NDUFB7: variants seen among roughly 807,000 people sequenced by gnomAD.
NDUFB7 encodes NADH:ubiquinone oxidoreductase subunit B7, also known as NADH dehydrogenase [ubiquinone] 1 beta subcomplex subunit 7.
A neutral mutation model predicts 14.7 loss-of-function variants in NDUFB7; 18 were observed. That is an observed-to-expected ratio of 1.22 (90% CI 0.85 to 1.81). The LOEUF (loss-of-function observed/expected upper bound fraction) is 1.81. Among genes scored for constraint, NDUFB7 ranks in the 40% most tolerant of loss-of-function variants. The pLI is 0.00. For synonymous variants in NDUFB7, 86 were observed against 76.1 expected (o/e 1.13, Z -0.68); for missense variants, 219 against 195.0 (o/e 1.12, Z -0.73).
At chr19:14,570,772 T>C (rs1167414972) in intron 1 of NDUFB7, among the ~76,000 whole-genome samples, 1 of 152,238 alleles carries the variant, frequency 6.6e-6, no homozygotes, top group African/African-American at 2.4e-5. Flanking sequence ...AGTTCCCTGC[T>C]GTATCCGCGG....
At chr19:14,571,660 T>C (rs943759181) in intron 1 of NDUFB7, among the ~76,000 whole-genome samples, 12 of 151,642 alleles carry the variant, frequency 7.9e-5, no homozygotes, top group Admixed American at 2.6e-4. Context: ...GAACCCCCAC[T>C]TGTCGCCTCA....
chr19:14,571,914 G>A lies in NDUFB7; in HGVS notation c.87C>T (p.Tyr29=), dbSNP rs751037505. 1.3e-5 allele frequency: 21 copies of A among 1,611,642 alleles called. No homozygotes were observed. The East Asian group carries it at 4.7e-4, about 36-fold the overall frequency. Residue 29 remains tyrosine (Y), a synonymous_variant, in exon 1 of 3, where the codon TAC becomes TAT. Coordinates refer to ENST00000215565, the MANE Select transcript of NDUFB7 (RefSeq NM_004146.6). Reference sequence around the variant, plus strand: ...CGCGCTCCTTGCGTTCGGGGAAGCCGTAGTCTGGCGGGAAGGTTGGCATCT... The same window carrying A: ...CGCGCTCCTTGCGTTCGGGGAAGCCATAGTCTGGCGGGAAGGTTGGCATCT... ...PLQMPTFPPD[Y]GFPERKEREM... is the part of the protein sequence containing the mutation.
intron 1 of NDUFB7, 42 bp downstream of exon 1, chr19:14,571,847 G>A (rs1202270479): frequency 1.3e-6 from 2 of 1,566,794 alleles, no homozygotes; most frequent in Non-Finnish European, 1.7e-6. Flanking sequence ...TCAGGCACCC[G>A]CGCCCCACGC....
intron 2 of NDUFB7, 88 bp downstream of exon 2, chr19:14,566,677 G>C: frequency 1.6e-6 from 2 of 1,240,154 alleles, no homozygotes; most frequent in Non-Finnish European, 1.1e-6. Context: ...TGGGCATGTG[G>C]GGGGCTTGGG....
At position 14,571,942 on chromosome 19, in the gene NDUFB7, AGG is replaced by A; in HGVS notation, c.57_58del (p.Leu20AlafsTer52). ...GTCTGGCGGGAAGGTTGGCATCTGC[AGG>A]GGGTCGGGCTCCACCGAGGCATCGC... On this transcript the variant is annotated frameshift_variant, in exon 1 of 3. Transcript: ENST00000215565. LOFTEE classifies it high-confidence loss of function. 3.7e-6 allele frequency: 6 copies of A among 1,612,128 alleles called. No homozygotes were observed. Among genetic ancestry groups the A allele is most frequent in the African/African-American group, 1.3e-5 (1 of 75,034 alleles).
chr19:14,569,072 G>A (rs1408031910), intron 1 of NDUFB7, among the ~76,000 whole-genome samples: 1 of 152,194 alleles, frequency 6.6e-6, no homozygotes, highest in African/African-American at 2.4e-5. Flanking sequence ...CTACTCGGGA[G>A]GCTGAGGCGG....
rs1290289468 is a variant in NDUFB7 at position 14,566,792 on chromosome 19, TGCCGC to T, written c.249_253del (p.His85LeufsTer17). ...GCGGTGCTCGCAGTAGTCCCAGTCG[TGCCGC>T]TCCTGCTTGCAGGCCAGGAAGTTGG... On this transcript the variant is annotated frameshift_variant, in exon 2 of 3. Transcript: ENST00000215565. LOFTEE classifies it high-confidence loss of function. 1 of 1,545,908 alleles carries T rather than the reference TGCCGC, an allele frequency of 6.5e-7. No individual in the cohort carries two copies. Among genetic ancestry groups the T allele is most frequent in the African/African-American group, 1.4e-5 (1 of 72,828 alleles).
intron 1 of NDUFB7, among the ~76,000 whole-genome samples, chr19:14,568,349 A>G (rs1259125056): frequency 6.6e-6 from 1 of 152,042 alleles, no homozygotes; most frequent in Non-Finnish European, 1.5e-5. Flanking sequence ...CCGGCCTGAG[A>G]GCCTTTTTCT....
In NDUFB7 at chr19:14,572,038, T is replaced by C; in HGVS notation, c.-38A>G. 6.7e-7 allele frequency: 1 copy of C among 1,487,696 alleles called. No individual in the cohort carries two copies. Among genetic ancestry groups the C allele is most frequent in the Non-Finnish European group, 9.1e-7 (1 of 1,095,426 alleles). The allele number at this position is 1,487,696 out of a possible 1,614,324, so 92.2% of individuals were successfully genotyped here. On this transcript the variant is annotated 5_prime_UTR_variant, in exon 1 of 3. Transcript: ENST00000215565. Reference sequence around the variant, plus strand: ...TGCAGATCCCTGCAGCAGCCGAGGGTCACCTAGCTCCTACCCGGAACCACT... The same window carrying C: ...TGCAGATCCCTGCAGCAGCCGAGGGCCACCTAGCTCCTACCCGGAACCACT...
At chr19:14,570,916 T>C (rs2074121447) in intron 1 of NDUFB7, among the ~76,000 whole-genome samples, 1 of 151,890 alleles carries the variant, frequency 6.6e-6, no homozygotes, top group Non-Finnish European at 1.5e-5. Flanking sequence ...CCCAGCACTT[T>C]GGGAGGCTGG....
Position 14,567,627 on chromosome 19 carries a change from A to G in NDUFB7, c.113-694T>C, listed in dbSNP as rs547638242. On this transcript the variant is annotated intron_variant, in intron 1 of 2. Transcript: ENST00000215565. The surrounding 1 kb of genome is among the most constrained non-coding windows in gnomAD (Gnocchi z 5.1). ...GAGGAATCCTGGACACTCACCCCGG[A>G]GCCTGTGCCTGGCGATCCTGCACTC... is the stretch of plus-strand genomic sequence containing the variant. Among the ~76,000 whole-genome samples, 1 of 152,010 alleles carries G rather than the reference A, an allele frequency of 6.6e-6. No individual in the cohort carries two copies. The highest frequency in any genetic ancestry group is 6.6e-5 in the Admixed American group (1 of 15,244).
chr19:14,568,241 C>T (rs919150914), intron 1 of NDUFB7, among the ~76,000 whole-genome samples: 5 of 152,158 alleles, frequency 3.3e-5, no homozygotes, highest in South Asian at 2.1e-4. Flanking sequence ...GATGGGGTTT[C>T]GCCATGTTAG....
intron 1 of NDUFB7, among the ~76,000 whole-genome samples, chr19:14,571,602 GAAA>G (rs35596195): frequency 6.8e-6 from 1 of 146,240 alleles, no homozygotes. Context: ...CGTCTCAAAA[GAAA>G]AAAAAAAAAG....
At chr19:14,569,116 A>G (rs62125090) in intron 1 of NDUFB7, among the ~76,000 whole-genome samples, 6,761 of 152,252 alleles carry the variant, frequency 0.044, 226 homozygotes, top group Non-Finnish European at 0.066. Flanking sequence ...CAGATGTTGC[A>G]GTGAGCAAAG....
intron 1 of NDUFB7, 62 bp from the exon 2 acceptor site, chr19:14,566,995 C>T (rs1479676725): frequency 1.3e-6 from 2 of 1,492,764 alleles, no homozygotes; most frequent in East Asian, 2.4e-5. Context: ...CCGGGGATCC[C>T]CAGGGGACCG....
At position 14,566,147 on chromosome 19, in the gene NDUFB7, T is replaced by TG; in HGVS notation, c.399dup (p.Lys134GlnfsTer?). 6.2e-7 allele frequency: 1 copy of TG among 1,611,888 alleles called. No homozygotes were observed. The highest frequency in any genetic ancestry group is 1.7e-5 in the Admixed American group (1 of 59,704). ...GGGTGCACCCCCTACAGGGCCACCT[T>TG]GGGGTCCACTTCCCCGGGTCCCTGG... On this transcript the variant is annotated frameshift_variant, in exon 3 of 3. Transcript: ENST00000215565. LOFTEE classifies it high-confidence loss of function.
At position 14,567,888 on chromosome 19, in the gene NDUFB7, A is replaced by C. The variant is rs2074102604; in HGVS notation, c.113-955T>G. ...TGTCCCATTCCCTGGCTTCTGCCCT[A>C]CCCCCTCACTGCCCAGACACGGGCT... On this transcript the variant is annotated intron_variant, in intron 1 of 2. Transcript: ENST00000215565. The surrounding 1 kb of genome is among the most constrained non-coding windows in gnomAD (Gnocchi z 5.1). 6.7e-6 allele frequency among the ~76,000 whole-genome samples: 1 copy of C among 149,912 alleles called. No homozygotes were observed. Among genetic ancestry groups the C allele is most frequent in the African/African-American group, 2.5e-5 (1 of 40,546 alleles).
Position 14,566,755 on chromosome 19 carries a change from G to C in NDUFB7, c.281+10C>G. 3 of 1,540,708 alleles carry C rather than the reference G, an allele frequency of 1.9e-6. No individual in the cohort carries two copies. Among genetic ancestry groups the C allele is most frequent in the Non-Finnish European group, 2.6e-6 (3 of 1,145,456 alleles). On this transcript the variant is annotated intron_variant, in intron 2 of 2. Transcript: ENST00000215565. ...GCCGGGGTGTTGGGGGCTGGTGTGG[G>C]GGTGCTCACTCGCGGTGCTCGCAGT...
In NDUFB7 at chr19:14,566,872, G is replaced by A. The variant is rs1305692960; in HGVS notation, c.174C>T (p.Tyr58=). Residue 58 remains tyrosine, a synonymous_variant, in exon 2 of 3, where the codon TAC becomes TAT. Transcript: ENST00000215565. ...GCAGCCGGATGAGGTGGTGGGCGCA[G>A]TAGTCCCGCAGCTGGAGCCTCAGCT... ...DAQLRLQLRD[Y]CAHHLIRLLK... is the part of the protein sequence containing the mutation. 1 of 1,576,460 alleles carries A rather than the reference G, an allele frequency of 6.3e-7. No individual in the cohort carries two copies. Among genetic ancestry groups the A allele is most frequent in the Non-Finnish European group, 8.6e-7 (1 of 1,163,840 alleles).
Sources: allele counts gnomAD v4.1 joint callset (sites outside exome capture counted in the v4.1 genomes callset), GRCh38; gene constraint gnomAD v4.1.1; non-coding constraint Gnocchi (gnomAD v3.1); transcripts MANE v1.5; gene names NCBI Gene and HGNC (gene_info 2026-07-23, HGNC 2026-07-21).